DPP10: variants seen among roughly 807,000 people sequenced by gnomAD.
The protein encoded by DPP10 is inactive dipeptidyl peptidase 10.
Under a neutral mutation model 120.9 loss-of-function variants are expected in DPP10, and 33 were observed. The observed-to-expected ratio is 0.27, with a 90% confidence interval of 0.21 to 0.37. The LOEUF is 0.37. Among genes scored for constraint, DPP10 ranks in the 10% least tolerant of loss-of-function variants. The pLI, the probability that DPP10 is intolerant of heterozygous loss-of-function variation, is 1.00. For synonymous variants in DPP10, 337 were observed against 326.1 expected (o/e 1.03, Z -0.36); for missense variants, 816 against 942.8 (o/e 0.87, Z 1.76).
chr2:114,704,275 G>A lies in DPP10; in HGVS notation c.60+261437G>A, dbSNP rs139744274. The stretch of plus-strand genomic sequence containing the variant: ...AGACAATCAAAGATGGAAAGGATCC[G>A]TGTGGCCTGAAATAAGATAGATTGG... On this transcript the variant is annotated intron_variant, in intron 1 of 25. Transcript: ENST00000410059. Among the ~76,000 whole-genome samples, 151 of 152,254 alleles carry A rather than the reference G, an allele frequency of 9.9e-4. 1 individual carries two copies. The highest frequency in any genetic ancestry group is 1.8e-3 in the Non-Finnish European group (123 of 68,016).
intron 5 of DPP10, among the ~76,000 whole-genome samples, chr2:115,574,207 T>G (rs990037879): frequency 1.3e-5 from 2 of 152,180 alleles, no homozygotes; most frequent in Non-Finnish European, 2.9e-5. Flanking sequence ...CTCTTCCTCC[T>G]TAATAGTACC....
intron 1 of DPP10, among the ~76,000 whole-genome samples, chr2:114,727,281 G>A (rs1676427223): frequency 6.6e-6 from 1 of 152,164 alleles, no homozygotes; most frequent in South Asian, 2.1e-4. Context: ...AGCTCAGTGT[G>A]CTTCTGGTGA....
chr2:114,875,029 C>T (rs903555731), intron 1 of DPP10, among the ~76,000 whole-genome samples: 4 of 152,052 alleles, frequency 2.6e-5, no homozygotes, highest in African/African-American at 9.7e-5. Flanking sequence ...AACCTTATGC[C>T]ACAATTATTC....
In DPP10 at chr2:114,958,372, G is replaced by T. The variant is rs143448500; in HGVS notation, c.61-350867G>T. On this transcript the variant is annotated intron_variant, in intron 1 of 25. Transcript: ENST00000410059. ...GTTCAGCCACAAGGACTCAAATATA[G>T]ACGTACCGAGTCCTTCTCAGGCCAT... Among the ~76,000 whole-genome samples, 945 of 152,196 alleles carry T rather than the reference G, an allele frequency of 6.2e-3. 2 individuals are homozygous for T. Among genetic ancestry groups the T allele is most frequent in the African/African-American group, 0.022 (895 of 41,530 alleles).
At chr2:115,603,150 G>GTGTGTGTGTGTGTGTGTA (rs2083447673) in intron 5 of DPP10, among the ~76,000 whole-genome samples, 6 of 149,394 alleles carry the variant, frequency 4.0e-5, no homozygotes, top group Admixed American at 2.7e-4. Flanking sequence ...GTGTGTGTGT[G>GTGTGTGTGTGTGTGTGTA]TGTGTGTGTG....
At chr2:115,724,757 A>G (rs2092726058) in intron 7 of DPP10, among the ~76,000 whole-genome samples, 1 of 152,236 alleles carries the variant, frequency 6.6e-6, no homozygotes, top group Non-Finnish European at 1.5e-5. Context: ...AAGTGATTCA[A>G]GGTTCTGCAG....
intron 1 of DPP10, among the ~76,000 whole-genome samples, chr2:114,610,490 C>T (rs1158449243): frequency 6.6e-6 from 1 of 151,976 alleles, no homozygotes; most frequent in Admixed American, 6.6e-5. Context: ...GATTCAGAAC[C>T]AGGGCTGGGG....
rs2150062431 is a variant in DPP10, at chr2:115,821,530, G to A, written c.1950+5801G>A. On this transcript the variant is annotated intron_variant, in intron 21 of 25. Coordinates refer to ENST00000410059, the MANE Select transcript of DPP10 (RefSeq NM_020868.6). ...GAGAGAAATATGTTTTTATCTTTTT[G>A]CCAATTTCTGTATTTTTGTTGAAGA... Among the ~76,000 whole-genome samples, 4 of 151,772 alleles carry A rather than the reference G, an allele frequency of 2.6e-5. No homozygotes were observed. The South Asian group carries it at 8.3e-4, about 32-fold the overall frequency.
At chr2:114,719,836 A>T (rs1701592437) in intron 1 of DPP10, among the ~76,000 whole-genome samples, 2 of 152,196 alleles carry the variant, frequency 1.3e-5, no homozygotes, top group South Asian at 4.1e-4. Context: ...GATCATTTAA[A>T]GGGGTTAGCA....
At chr2:115,331,227 T>A (rs2062710315) in intron 2 of DPP10, among the ~76,000 whole-genome samples, 1 of 152,182 alleles carries the variant, frequency 6.6e-6, no homozygotes, top group South Asian at 2.1e-4. Flanking sequence ...GCTCTCTGTC[T>A]GTTATTTGTG....
intron 1 of DPP10, among the ~76,000 whole-genome samples, chr2:115,025,794 G>T (rs1038470779): frequency 2.0e-5 from 3 of 151,930 alleles, no homozygotes; most frequent in African/African-American, 7.3e-5. Context: ...TTGGTCATTT[G>T]TATGTCTTCT....
At chr2:115,020,654 C>A (rs1703005806) in intron 1 of DPP10, among the ~76,000 whole-genome samples, 1 of 152,060 alleles carries the variant, frequency 6.6e-6, no homozygotes, top group Admixed American at 6.5e-5. Context: ...TAGCCTACAA[C>A]AAATGGACTT....
In DPP10 at chr2:115,523,760, G is replaced by A. The variant is rs76584632; in HGVS notation, c.367-2138G>A. 2.8e-3 allele frequency among the ~76,000 whole-genome samples: 429 copies of A among 152,180 alleles called. 2 individuals are homozygous for A. Among genetic ancestry groups the A allele is most frequent in the African/African-American group, 1.0e-2 (414 of 41,520 alleles). On this transcript the variant is annotated intron_variant, in intron 4 of 25. Coordinates refer to ENST00000410059, the MANE Select transcript of DPP10 (RefSeq NM_020868.6). Reference sequence around the variant, plus strand: ...AAGTAATGAGAGAGAGAATTAGGTCGTATCATAGTATTGCCCTGAAGACTG... The same window carrying A: ...AAGTAATGAGAGAGAGAATTAGGTCATATCATAGTATTGCCCTGAAGACTG...
chr2:115,520,965 G>T (rs1321456822), intron 4 of DPP10, among the ~76,000 whole-genome samples: 1 of 152,110 alleles, frequency 6.6e-6, no homozygotes, highest in Non-Finnish European at 1.5e-5. Flanking sequence ...GTGCAATCAC[G>T]AAACAGTGAT....
intron 4 of DPP10, among the ~76,000 whole-genome samples, chr2:115,509,234 T>C (rs1042474960): frequency 1.7e-4 from 26 of 152,108 alleles, no homozygotes; most frequent in Admixed American, 5.9e-4. Context: ...GGCTTGAGAT[T>C]ATAAGCAAAT....
intron 1 of DPP10, among the ~76,000 whole-genome samples, chr2:114,468,060 T>A (rs1679567313): frequency 2.6e-5 from 4 of 152,068 alleles, no homozygotes; most frequent in Admixed American, 2.6e-4. Context: ...AAGTGATAGC[T>A]CCCTCTGTTA....
chr2:114,633,341 T>C (rs1049744324), intron 1 of DPP10, among the ~76,000 whole-genome samples: 2 of 132,426 alleles, frequency 1.5e-5, no homozygotes, highest in African/African-American at 5.9e-5. Context: ...AACCTCCACC[T>C]CCCAGATTCA....
At chr2:115,298,550 T>A (rs2060988493) in intron 1 of DPP10, among the ~76,000 whole-genome samples, 2 of 151,946 alleles carry the variant, frequency 1.3e-5, no homozygotes, top group South Asian at 4.2e-4. Context: ...GCTCAGTCCT[T>A]CCCTCCCCAG....
chr2:115,363,787 G>A (rs1279833431), intron 3 of DPP10, among the ~76,000 whole-genome samples: 2 of 152,090 alleles, frequency 1.3e-5, no homozygotes, highest in East Asian at 1.9e-4. Context: ...CAGTATTTCT[G>A]GGCATTAGTT....
Sources: gnomAD v4.1 joint callset for allele counts (sites outside exome capture counted in the v4.1 genomes callset) on GRCh38, gnomAD v4.1.1 for gene constraint, MANE v1.5 for transcripts, NCBI Gene and HGNC (gene_info 2026-07-23, HGNC 2026-07-21) for gene names.